The following DOCK3 variants were observed in gnomAD, a reference collection of about 807,000 sequenced individuals.
DOCK3 encodes the protein dedicator of cytokinesis protein 3.
A neutral mutation model predicts 265.6 loss-of-function variants in DOCK3; 60 were observed. The observed-to-expected ratio is 0.23, with a 90% CI of 0.18 to 0.28. The LOEUF (loss-of-function observed/expected upper bound fraction) is 0.28. DOCK3 is among the 10% of genes least tolerant of loss of function. The pLI, the probability that DOCK3 is intolerant of heterozygous loss-of-function variation, is 1.00. For missense variants in DOCK3, 1,981 were observed against 2,594.3 expected (o/e 0.76, Z 5.14); for synonymous variants, 881 against 938.0 (o/e 0.94, Z 1.11).
rs1289261328 is a variant in DOCK3 at position 51,362,627 on chromosome 3, A to G, written c.5246A>G (p.His1749Arg). The change falls in exon 49 of 53, where the codon CAC (histidine) becomes CGC (arginine). Residue 1749 changes from histidine to arginine, a missense_variant. Physicochemically the swap from His to Arg is conservative, Grantham distance 29. This residue lies in a region of DOCK3 where 1,357 missense variants were observed against 1,866.8 expected (regional missense o/e 0.73). Transcript: ENST00000266037. The stretch of plus-strand genomic sequence containing the variant: ...TCTTCCTCCAGCCTGAGTTCCACTC[A>G]CTCAGCACCATCCCAGATGATTACC... ...SPSSSSLSST[H>R]SAPSQMITSA... The G allele has an allele frequency of 3.1e-6, 5 of 1,613,866 alleles. 1 individual carries two copies. In the Admixed American group the frequency reaches 5.0e-5, roughly 16 times the overall value.
At chr3:51,279,303 C>G (rs2080990090) in intron 26 of DOCK3, among the ~76,000 whole-genome samples, 1 of 152,120 alleles carries the variant, frequency 6.6e-6, no homozygotes, top group Non-Finnish European at 1.5e-5. Flanking sequence ...GTTTGAGAGA[C>G]TAAAACCTGT....
At chr3:51,054,229 G>C (rs943026718) in intron 5 of DOCK3, among the ~76,000 whole-genome samples, 7 of 151,268 alleles carry the variant, frequency 4.6e-5, no homozygotes, top group Non-Finnish European at 8.8e-5. Context: ...TTGATAGCTT[G>C]GCTGGATATA....
intron 5 of DOCK3, among the ~76,000 whole-genome samples, chr3:50,942,838 C>A (rs540539896): frequency 6.6e-6 from 1 of 151,952 alleles, no homozygotes; most frequent in Non-Finnish European, 1.5e-5. Flanking sequence ...AAACATAGAT[C>A]AAATATTTGT....
chr3:50,987,898 T>C (rs1173419085), intron 5 of DOCK3, among the ~76,000 whole-genome samples: 2 of 152,014 alleles, frequency 1.3e-5, no homozygotes, highest in African/African-American at 4.8e-5. Context: ...CTACTTGGAG[T>C]CTCAGCAGAG....
At chr3:51,265,611 C>T (rs1346368589) in intron 23 of DOCK3, among the ~76,000 whole-genome samples, 1 of 152,212 alleles carries the variant, frequency 6.6e-6, no homozygotes, top group Non-Finnish European at 1.5e-5. Flanking sequence ...ACTTTATTAT[C>T]TCAATAGATG....
intron 3 of DOCK3, chr3:50,863,352 G>A (rs2046999382): frequency 2.0e-6 from 1 of 508,802 alleles, no homozygotes. Context: ...GTGTGAGCTG[G>A]CTACCCGGTT....
chr3:51,329,708 C>T (rs1166525691), intron 32 of DOCK3, among the ~76,000 whole-genome samples: 10 of 152,186 alleles, frequency 6.6e-5, no homozygotes, highest in South Asian at 2.1e-4. Context: ...AGGACAAGCT[C>T]CCCAGAAAGC....
intron 1 of DOCK3, among the ~76,000 whole-genome samples, chr3:50,693,784 A>C (rs538260005): frequency 6.6e-6 from 1 of 150,754 alleles, no homozygotes; most frequent in Admixed American, 6.6e-5. Flanking sequence ...TGATCCTCCC[A>C]CCTTGGCCTC....
intron 7 of DOCK3, among the ~76,000 whole-genome samples, chr3:51,087,164 C>T (rs1336346600): frequency 6.6e-6 from 1 of 151,886 alleles, no homozygotes; most frequent in Non-Finnish European, 1.5e-5. Flanking sequence ...GTAAGTCAGA[C>T]AAGGACACAA....
At chr3:50,752,519 A>C (rs76746487) in intron 1 of DOCK3, among the ~76,000 whole-genome samples, 112,359 of 146,364 alleles carry the variant, frequency 0.77, 43,642 homozygotes, top group Middle Eastern at 0.87. Flanking sequence ...AAAAAAAAAA[A>C]AAAACAAAAA....
chr3:51,359,604 G>T lies in DOCK3; in HGVS notation c.4885-907G>T, dbSNP rs575121663. 6.6e-6 allele frequency among the ~76,000 whole-genome samples: 1 copy of T among 152,362 alleles called. No individual in the cohort carries two copies. The highest frequency in any genetic ancestry group is 2.4e-5 in the African/African-American group (1 of 41,594). ...CCATCACAGCAGGTGACCCAAGCAG[G>T]CTGGAGCCTGGCCAGTGAGGAGGTT... On this transcript the variant is annotated intron_variant, in intron 46 of 52. Coordinates refer to ENST00000266037, the MANE Select transcript of DOCK3 (RefSeq NM_004947.5). This position sits in a 1 kb window ranked among gnomAD's most constrained non-coding sequence, Gnocchi z 4.8.
At chr3:51,049,829 C>CACA (rs377417609) in intron 5 of DOCK3, among the ~76,000 whole-genome samples, 18,286 of 144,280 alleles carry the variant, frequency 0.13, 1,384 homozygotes, top group Middle Eastern at 0.24. Flanking sequence ...ACACACACAC[C>CACA]CCAAAAAAAC....
intron 3 of DOCK3, among the ~76,000 whole-genome samples, chr3:50,863,146 G>T (rs2046990599): frequency 6.6e-6 from 1 of 152,172 alleles, no homozygotes; most frequent in South Asian, 2.1e-4. Context: ...CAGGCATCCT[G>T]CAGCTTCCCA....
At chr3:51,269,116 ACTGTCTCTCTCTCTCT>A (rs1439081218) in intron 23 of DOCK3, among the ~76,000 whole-genome samples, 1 of 103,908 alleles carries the variant, frequency 9.6e-6, no homozygotes. Context: ...TCTCTCTCTC[ACTGTCTCTCTCTCTCT>A]CTCTCTATAT....
chr3:50,893,993 G>C (rs1409276737), intron 4 of DOCK3, among the ~76,000 whole-genome samples: 1 of 115,002 alleles, frequency 8.7e-6, no homozygotes. Context: ...GGAGGGGGGA[G>C]GGGGGAGGGA....
chr3:50,889,046 T>A (rs1051175685), intron 3 of DOCK3, among the ~76,000 whole-genome samples: 2 of 149,930 alleles, frequency 1.3e-5, no homozygotes, highest in Non-Finnish European at 3.0e-5. Context: ...CCAAAGAGTA[T>A]AAAATATATT....
chr3:50,883,669 C>G (rs2048173604), intron 3 of DOCK3, among the ~76,000 whole-genome samples: 1 of 152,058 alleles, frequency 6.6e-6, no homozygotes. Context: ...TGTGCCACTT[C>G]CTTCTGTCTT....
At chr3:51,029,904 G>A (rs942754319) in intron 5 of DOCK3, among the ~76,000 whole-genome samples, 2 of 151,956 alleles carry the variant, frequency 1.3e-5, no homozygotes, top group Non-Finnish European at 2.9e-5. Context: ...GCTCAAGGTG[G>A]CCACCTGGTT....
intron 5 of DOCK3, among the ~76,000 whole-genome samples, chr3:50,937,642 C>T (rs533580840): frequency 1.1e-4 from 17 of 152,034 alleles, no homozygotes; most frequent in African/African-American, 3.6e-4. Context: ...GGTGACAGAG[C>T]GAGACTCTGT....
Sources: gnomAD v4.1 joint callset for allele counts (sites outside exome capture counted in the v4.1 genomes callset) on GRCh38, gnomAD v4.1.1 for gene constraint, gnomAD v4.1.1 regional missense constraint, Gnocchi (gnomAD v3.1) non-coding constraint, MANE v1.5 for transcripts, NCBI Gene and HGNC (gene_info 2026-07-23, HGNC 2026-07-21) for gene names.